SAMD11: variants seen among roughly 807,000 people sequenced by gnomAD.
The protein encoded by SAMD11 is sterile alpha motif domain-containing protein 11.
In SAMD11, 77 loss-of-function variants were observed where a neutral mutation model predicts 64.4. The observed-to-expected ratio is 1.20, with a 90% confidence interval of 0.99 to 1.44. The LOEUF is 1.44. Ranked by LOEUF, SAMD11 falls within the 40% of genes most tolerant of loss-of-function variation. The pLI, the probability that SAMD11 is intolerant of heterozygous loss-of-function variation, is 0.00. For missense variants in SAMD11, 1,402 were observed against 943.3 expected (o/e 1.49, Z -6.37); for synonymous variants, 658 against 421.9 (o/e 1.56, Z -6.86).
In SAMD11 at chr1:944,067, C is replaced by A. The variant is rs1289885731; in HGVS notation, c.2449C>A (p.Leu817Ile). 1 of 1,612,634 alleles carries A rather than the reference C, an allele frequency of 6.2e-7. No homozygotes were observed. Among genetic ancestry groups the A allele is most frequent in the African/African-American group, 1.3e-5 (1 of 74,932 alleles). Residue 817 changes from leucine to isoleucine, a missense_variant, in exon 14 of 14, where the codon CTT becomes ATT. By Grantham distance (5) the Leu-to-Ile change is conservative. Coordinates refer to ENST00000616016, the MANE Select transcript of SAMD11 (RefSeq NM_001385641.1). ...GTCCCCCTATGGAGGGGGCCACGCC[C>A]TTGCCGGTCAAACTTCACCCAAGCA... The part of the protein sequence containing the change: ...ATSPYGGGHA[L>I]AGQTSPKQEN...
rs113383096 is a variant in SAMD11, at chr1:944,101, G to A, written c.2483G>A (p.Gly828Glu). 3.7e-6 allele frequency: 6 copies of A among 1,609,284 alleles called. No homozygotes were observed. The African/African-American group carries it at 5.3e-5, about 14-fold the overall frequency. The change falls in exon 14 of 14, where the codon GGG (glycine) becomes GAG (glutamate). Residue 828 changes from glycine (G) to glutamate (E), a missense_variant. Gly to Glu is a moderately conservative substitution (Grantham distance 98, BLOSUM62 -2). Coordinates refer to ENST00000616016, the MANE Select transcript of SAMD11 (RefSeq NM_001385641.1). ...AGQTSPKQEN[G>E]TLALLPGAPD... is the part of the protein sequence containing the mutation. Reference sequence around the variant, plus strand: ...CAAACTTCACCCAAGCAGGAGAATGGGACCTTGGCTCTACTTCCAGGGGCC... The same window carrying A: ...CAAACTTCACCCAAGCAGGAGAATGAGACCTTGGCTCTACTTCCAGGGGCC...
Position 939,101 on chromosome 1 carries a change from G to A in SAMD11, c.1029G>A (p.Glu343=). Residue 343 remains glutamate (E), a synonymous_variant, in exon 6 of 14, where the codon GAG becomes GAA. Coordinates refer to ENST00000616016, the MANE Select transcript of SAMD11 (RefSeq NM_001385641.1). ...SPRISSDCFS[E]KRARSESPQE... ...GTATCAGCAGCGACTGCTTTTCAGAGAAGAGGGCACGAAGCGAATCGCCTC... is the reference window on the plus strand; with the variant it reads ...GTATCAGCAGCGACTGCTTTTCAGAAAAGAGGGCACGAAGCGAATCGCCTC... 6.2e-7 allele frequency: 1 copy of A among 1,604,288 alleles called. No homozygotes were observed. The highest frequency in any genetic ancestry group is 1.1e-5 in the South Asian group (1 of 88,952).
At chr1:941,853 G>C (rs1641788688) in intron 8 of SAMD11, among the ~76,000 whole-genome samples, 1 of 152,102 alleles carries the variant, frequency 6.6e-6, no homozygotes, top group Non-Finnish European at 1.5e-5. Flanking sequence ...CGCTTCCCCC[G>C]CCGCTCGGGT....
intron 5 of SAMD11, among the ~76,000 whole-genome samples, chr1:938,220 C>G (rs573008687): frequency 6.6e-6 from 1 of 152,318 alleles, no homozygotes; most frequent in East Asian, 1.9e-4. Flanking sequence ...GGAGAGTGAG[C>G]TGGGCCTGGC....
In SAMD11 at chr1:942,774, C is replaced by G; in HGVS notation, c.1769C>G (p.Ser590Cys). Residue 590 changes from serine to cysteine, a missense_variant, in exon 11 of 14, where the codon TCT becomes TGT. Coordinates refer to ENST00000616016, the MANE Select transcript of SAMD11 (RefSeq NM_001385641.1). ...GGACCCCCCACCCCGTCCCGGGACT[C>G]TGCCCGGCGAGCCCCCCGGAAGGGG... ...GSGPPTPSRD[S>C]ARRAPRKGGP... 1 of 1,537,016 alleles carries G rather than the reference C, an allele frequency of 6.5e-7. No homozygotes were observed. The highest frequency in any genetic ancestry group is 1.2e-5 in the South Asian group (1 of 83,296).
intron 3 of SAMD11, among the ~76,000 whole-genome samples, chr1:930,751 T>A (rs1030686138): frequency 1.3e-5 from 2 of 152,338 alleles, no homozygotes; most frequent in South Asian, 2.1e-4. Context: ...CTCCTCTGAG[T>A]GCACGGCAAC....
At position 942,452 on chromosome 1, in the gene SAMD11, G is replaced by C; in HGVS notation, c.1517G>C (p.Trp506Ser). Residue 506 changes from tryptophan (W) to serine (S), a missense_variant, in exon 10 of 14, where the codon TGG (tryptophan) becomes TCG (serine). Trp to Ser is a radical substitution (Grantham distance 177, BLOSUM62 -3). Transcript: ENST00000616016. ...LPPAQAEMFA[W>S]QQELLRKQNL... ...CCCGCGCAGGCGGAGATGTTCGCCTGGCAGCAGGAGCTCCTGCGGAAGCAG... is the reference window on the plus strand; with the variant it reads ...CCCGCGCAGGCGGAGATGTTCGCCTCGCAGCAGGAGCTCCTGCGGAAGCAG... 6.7e-7 allele frequency: 1 copy of C among 1,483,236 alleles called. No homozygotes were observed. Among genetic ancestry groups the C allele is most frequent in the Non-Finnish European group, 8.9e-7 (1 of 1,122,800 alleles). 91.9% of individuals were successfully genotyped at this position (1,483,236 alleles called of 1,614,324 possible).
At chr1:926,510 G>C (rs571818094) in intron 2 of SAMD11, among the ~76,000 whole-genome samples, 1 of 152,326 alleles carries the variant, frequency 6.6e-6, no homozygotes, top group East Asian at 1.9e-4. Flanking sequence ...CCTGGACGTC[G>C]AAGTGTGTCC....
In SAMD11 at chr1:943,264, G is replaced by A. The variant is rs558608881; in HGVS notation, c.2065G>A (p.Gly689Arg). The change falls in exon 12 of 14, where the codon GGA becomes AGA. Residue 689 changes from glycine (G) to arginine (R), a missense_variant. Gly to Arg is a moderately radical substitution (Grantham distance 125). Coordinates refer to ENST00000616016, the MANE Select transcript of SAMD11 (RefSeq NM_001385641.1). ...SPYFHTGAVG[G>R]LSMDGEEAPA... ...GCCCCACAACTCAGGCGCGGTAGGG[G>A]GACTCTCCATGGATGGGGAGGAGGC... 121 of 1,612,876 alleles carry A rather than the reference G, an allele frequency of 7.5e-5. No individual in the cohort carries two copies. Among genetic ancestry groups the A allele is most frequent in the Non-Finnish European group, 9.5e-5 (112 of 1,179,872 alleles).
Position 944,302 on chromosome 1 carries a change from A to C in SAMD11, c.*149A>C. On this transcript the variant is annotated 3_prime_UTR_variant, in exon 14 of 14. Transcript: ENST00000616016. ...AATGTGACTTCAAAGGAAAGGAACAAATTTTCAAAGACTTGGGGGAGTGAA... is the reference window on the plus strand; with the variant it reads ...AATGTGACTTCAAAGGAAAGGAACACATTTTCAAAGACTTGGGGGAGTGAA... 4 of 1,394,340 alleles carry C rather than the reference A, an allele frequency of 2.9e-6. No individual in the cohort carries two copies. Among genetic ancestry groups the C allele is most frequent in the Non-Finnish European group, 3.7e-6 (4 of 1,079,224 alleles). The allele number at this position is 1,394,340 out of a possible 1,614,324, so 86.4% of individuals were successfully genotyped here.
At chr1:928,587 C>A (rs1010187284) in intron 2 of SAMD11, among the ~76,000 whole-genome samples, 2 of 152,264 alleles carry the variant, frequency 1.3e-5, no homozygotes, top group Admixed American at 6.5e-5. Flanking sequence ...ATCATACCTT[C>A]GGCCTTGGCC....
At position 939,359 on chromosome 1, in the gene SAMD11, C is replaced by T; in HGVS notation, c.1142C>T (p.Ala381Val). Residue 381 changes from alanine to valine, a missense_variant, in exon 7 of 14, where the codon GCC (alanine) becomes GTC (valine). Coordinates refer to ENST00000616016, the MANE Select transcript of SAMD11 (RefSeq NM_001385641.1). ...YRRLVSALSE[A>V]STFEDPQRLY... ...CGGCTTGTGTCAGCACTGAGCGAGG[C>T]CAGCACCTTTGAGGACCCTCAGCGC... 1 of 1,611,566 alleles carries T rather than the reference C, an allele frequency of 6.2e-7. No homozygotes were observed. The highest frequency in any genetic ancestry group is 8.5e-7 in the Non-Finnish European group (1 of 1,179,824).
rs149846233 is a variant in SAMD11, at chr1:943,991, G to A, written c.2373G>A (p.Pro791=). The A allele has an allele frequency of 2.4e-4, 380 of 1,612,836 alleles. 2 individuals carry two copies. In the African/African-American group the frequency reaches 4.4e-3, roughly 19 times the overall value. The change falls in exon 14 of 14, where the codon CCG becomes CCA. Residue 791 remains proline (P), a synonymous_variant. Transcript: ENST00000616016. ...LPLQPPTLRA[P]ERELGTGEQP... ...TGCAGCCACCAACCCTGCGGGCCCCGGAGCGAGAACTCGGCACAGGAGAGC... is the reference window on the plus strand; with the variant it reads ...TGCAGCCACCAACCCTGCGGGCCCCAGAGCGAGAACTCGGCACAGGAGAGC...
rs901880237 is a variant in SAMD11 at position 924,921 on chromosome 1, G to A, written c.490G>A (p.Asp164Asn). The change falls in exon 1 of 14, where the codon GAC becomes AAC. Residue 164 changes from aspartate (D) to asparagine (N), a missense_variant. By Grantham distance (23) the Asp-to-Asn change is conservative (BLOSUM62 1). Coordinates refer to ENST00000616016, the MANE Select transcript of SAMD11 (RefSeq NM_001385641.1). Reference protein sequence around the residue: ...QFVSGRETAKDWKRSIRHKGK... With the variant: ...QFVSGRETAKNWKRSIRHKGK... Reference sequence around the variant, plus strand: ...CGTCAGCGGCCGCGAGACGGCCAAGGACTGGAAGCGCAGCATCCGCCACAA... The same window carrying A: ...CGTCAGCGGCCGCGAGACGGCCAAGAACTGGAAGCGCAGCATCCGCCACAA... 6 of 152,132 alleles carry A rather than the reference G, an allele frequency of 3.9e-5. No homozygotes were observed. Among genetic ancestry groups the A allele is most frequent in the African/African-American group, 7.2e-5 (3 of 41,424 alleles). 9.4% of individuals were successfully genotyped at this position (152,132 alleles called of 1,614,324 possible). A position where few individuals can be genotyped will look rare whatever the true frequency, so the allele number is the denominator to read the frequency against.
intron 4 of SAMD11, among the ~76,000 whole-genome samples, chr1:933,231 G>A (rs942510918): frequency 2.0e-5 from 3 of 152,240 alleles, no homozygotes; most frequent in African/African-American, 4.8e-5. Flanking sequence ...CGTCCAGGGC[G>A]TGTTTCTTTA....
rs1641108930 is a variant in SAMD11, at chr1:930,281, C to T, written c.736C>T (p.Arg246Trp). 5 of 1,608,550 alleles carry T rather than the reference C, an allele frequency of 3.1e-6. No individual in the cohort carries two copies. The highest frequency in any genetic ancestry group is 4.2e-6 in the Non-Finnish European group (5 of 1,177,974). Residue 246 changes from arginine (R) to tryptophan (W), a missense_variant, in exon 3 of 14, where the codon CGG becomes TGG. Physicochemically the swap from Arg to Trp is moderately radical, Grantham distance 101. Transcript: ENST00000616016. Reference protein sequence around the residue: ...DSDGSGPTCGRRPGLKQEDGP... With the variant: ...DSDGSGPTCGWRPGLKQEDGP... ...CGACGGGAGTGGCCCCACCTGTGGG[C>T]GGCGGCCAGGCTTGAAGCAGGAGGA...
intron 4 of SAMD11, among the ~76,000 whole-genome samples, chr1:933,275 C>T (rs1310154665): frequency 6.6e-6 from 1 of 152,208 alleles, no homozygotes; most frequent in Non-Finnish European, 1.5e-5. Flanking sequence ...ACTGAGTGGC[C>T]AAGTGACCAG....
At position 944,182 on chromosome 1, in the gene SAMD11, C is replaced by A; in HGVS notation, c.*29C>A. On this transcript the variant is annotated 3_prime_UTR_variant, in exon 14 of 14. Transcript: ENST00000616016. ...TGCCGGGGGTAGGGGTGGGGCCACA[C>A]AAATCTCCAGGAGCCACCACTCAAC... 6.6e-7 allele frequency: 1 copy of A among 1,516,102 alleles called. No individual in the cohort carries two copies. Among genetic ancestry groups the A allele is most frequent in the South Asian group, 1.3e-5 (1 of 74,444 alleles). The allele number at this position is 1,516,102 out of a possible 1,614,324, so 93.9% of individuals were successfully genotyped here. A position where few individuals can be genotyped will look rare whatever the true frequency, so the allele number is the denominator to read the frequency against.
chr1:939,066 C>T lies in SAMD11; in HGVS notation c.994C>T (p.Arg332Cys), dbSNP rs145975434. ...AGDLLGKRLG[R>C]SPRISSDCFS... ...TGACCTGTTGGGCAAGAGGCTGGGC[C>T]GCTCCCCCCGTATCAGCAGCGACTG... Residue 332 changes from arginine to cysteine, a missense_variant, in exon 6 of 14, where the codon CGC (arginine) becomes TGC (cysteine). Arg to Cys is a radical substitution (Grantham distance 180, BLOSUM62 -3). Coordinates refer to ENST00000616016, the MANE Select transcript of SAMD11 (RefSeq NM_001385641.1). 101 of 1,605,030 alleles carry T rather than the reference C, an allele frequency of 6.3e-5. No individual in the cohort carries two copies. In the Middle Eastern group the frequency reaches 1.3e-3, roughly 21 times the overall value.
Sources: gnomAD v4.1 joint callset for allele counts (sites outside exome capture counted in the v4.1 genomes callset) on GRCh38, gnomAD v4.1.1 for gene constraint, MANE v1.5 for transcripts, NCBI Gene and HGNC (gene_info 2026-07-23, HGNC 2026-07-21) for gene names.